DDN: variants seen among roughly 807,000 people sequenced by gnomAD.
The protein encoded by DDN is dendrin.
Under a neutral mutation model 7.3 loss-of-function variants are expected in DDN, and 4 were observed. The ratio of observed to expected loss-of-function variants is 0.55; its 90% CI spans 0.27 to 1.25. The LOEUF is 1.25. Among genes scored for constraint, DDN ranks in the 50% most tolerant of loss-of-function variants. DDN has a pLI of 0.12. For missense variants in DDN, 933 were observed against 974.7 expected (o/e 0.96, Z 0.57); for synonymous variants, 425 against 424.3 (o/e 1.00, Z -0.02).
chr12:48,999,021 G>A, intron 1 of DDN, 58 bp downstream of exon 1: 2 of 1,578,332 alleles, frequency 1.3e-6, no homozygotes, highest in South Asian at 2.2e-5. Flanking sequence ...CCTGCGGGGA[G>A]GTCCGGACCC....
At position 48,998,349 on chromosome 12, in the gene DDN, C is replaced by G. The variant is rs1161490871; in HGVS notation, c.527G>C (p.Arg176Pro). ...ERLAPVGRAP[R>P]PSAQPQSDPG... ...GTCGCTCTGCGGCTGCGCGGATGGA[C>G]GGGGCGCTCGCCCCACAGGCGCCAG... The change falls in exon 2 of 2, where the codon CGT (arginine) becomes CCT (proline). Residue 176 changes from arginine to proline, a missense_variant. Physicochemically the swap from Arg to Pro is moderately radical, Grantham distance 103 (BLOSUM62 -2). Coordinates refer to ENST00000421952, the MANE Select transcript of DDN (RefSeq NM_015086.2). The G allele has an allele frequency of 9.9e-6, 15 of 1,515,064 alleles. No individual in the cohort carries two copies. The highest frequency in any genetic ancestry group is 1.4e-5 in the African/African-American group (1 of 69,882). The allele number at this position is 1,515,064 out of a possible 1,614,324, so 93.9% of individuals were successfully genotyped here. A position where few individuals can be genotyped will look rare whatever the true frequency, so the allele number is the denominator to read the frequency against.
chr12:48,995,414 G>A lies in DDN; in HGVS notation c.*1326C>T, dbSNP rs1215442097. 6.6e-6 allele frequency: 1 copy of A among 152,510 alleles called. No homozygotes were observed. Among genetic ancestry groups the A allele is most frequent in the Non-Finnish European group, 1.5e-5 (1 of 68,246 alleles). The allele number at this position is 152,510 out of a possible 1,614,324, so 9.4% of individuals were successfully genotyped here. ...TCGGTGTCTGAGTCCCAAGCCGGCT[G>A]GGGTGGATGAGTACAAAGATGGGCC... On this transcript the variant is annotated 3_prime_UTR_variant, in exon 2 of 2. Transcript: ENST00000421952.
In DDN at chr12:48,998,226, G is replaced by A; in HGVS notation, c.650C>T (p.Pro217Leu). ...LLLRGSAGTAPRRRWDRPPPY... is the reference protein window; with the variant it reads ...LLLRGSAGTALRRRWDRPPPY... The stretch of plus-strand genomic sequence containing the variant: ...TGGCGGCCGGTCCCAGCGGCGTCGT[G>A]GGGCGGTCCCGGCAGAACCTCTCAG... Residue 217 changes from proline to leucine, a missense_variant, in exon 2 of 2, where the codon CCA (proline) becomes CTA (leucine). Pro to Leu is a moderately conservative substitution (Grantham distance 98). Transcript: ENST00000421952. The A allele has an allele frequency of 6.2e-7, 1 of 1,612,456 alleles. No individual in the cohort carries two copies. The highest frequency in any genetic ancestry group is 8.5e-7 in the Non-Finnish European group (1 of 1,179,724).
chr12:48,997,106 C>T lies in DDN; in HGVS notation c.1770G>A (p.Ala590=). 1 of 1,524,488 alleles carries T rather than the reference C, an allele frequency of 6.6e-7. No homozygotes were observed. The highest frequency in any genetic ancestry group is 8.7e-7 in the Non-Finnish European group (1 of 1,143,230). 94.4% of individuals were successfully genotyped at this position (1,524,488 alleles called of 1,614,324 possible). ...AQGRAEGSEV[A]VVQRRAGRGW... ...CCCGGCCGGCGCGCCGCTGGACCACCGCCACTTCCGACCCCTCGGCTCTGC... is the reference window on the plus strand; with the variant it reads ...CCCGGCCGGCGCGCCGCTGGACCACTGCCACTTCCGACCCCTCGGCTCTGC... The change falls in exon 2 of 2, where the codon GCG becomes GCA. Residue 590 remains alanine, a synonymous_variant. Coordinates refer to ENST00000421952, the MANE Select transcript of DDN (RefSeq NM_015086.2).
chr12:48,999,161 A>C lies in DDN; in HGVS notation c.127T>G (p.Cys43Gly). The change falls in exon 1 of 2, where the codon TGT becomes GGT. Residue 43 changes from cysteine (C) to glycine (G), a missense_variant. Physicochemically the swap from Cys to Gly is radical, Grantham distance 159. Coordinates refer to ENST00000421952, the MANE Select transcript of DDN (RefSeq NM_015086.2). ...LLVIEVKTIS[C>G]HYSRRAPSRQ... ...GAAGGGGCGCGGCGACTATAATGAC[A>C]GGAAATAGTCTTCACTTCTATCACC... 1 of 1,614,054 alleles carries C rather than the reference A, an allele frequency of 6.2e-7. No individual in the cohort carries two copies. The highest frequency in any genetic ancestry group is 2.2e-5 in the East Asian group (1 of 44,858).
At chr12:48,999,008 G>C in intron 1 of DDN, 71 bp downstream of exon 1, 1 of 1,529,224 alleles carries the variant, frequency 6.5e-7, no homozygotes, top group Non-Finnish European at 9.0e-7. Context: ...GTGCTCGCTG[G>C]TGCCTGCGGG....
rs1358452366 is a variant in DDN, at chr12:48,997,113, T to G, written c.1763A>C (p.Glu588Ala). 1.3e-6 allele frequency: 2 copies of G among 1,525,750 alleles called. No homozygotes were observed. Among genetic ancestry groups the G allele is most frequent in the South Asian group, 2.6e-5 (2 of 75,862 alleles). 94.5% of individuals were successfully genotyped at this position (1,525,750 alleles called of 1,614,324 possible). ...SGAQGRAEGS[E>A]VAVVQRRAGR... ...GGCGCGCCGCTGGACCACCGCCACT[T>G]CCGACCCCTCGGCTCTGCCCTGGGC... Residue 588 changes from glutamate to alanine, a missense_variant, in exon 2 of 2, where the codon GAA becomes GCA. Coordinates refer to ENST00000421952, the MANE Select transcript of DDN (RefSeq NM_015086.2).
At position 48,998,314 on chromosome 12, in the gene DDN, C is replaced by A. The variant is rs770553244; in HGVS notation, c.562G>T (p.Ala188Ser). The A allele has an allele frequency of 3.2e-6, 5 of 1,576,702 alleles. No homozygotes were observed. In the South Asian group the frequency reaches 3.4e-5, roughly 11 times the overall value. Residue 188 changes from alanine (A) to serine (S), a missense_variant, in exon 2 of 2, where the codon GCG (alanine) becomes TCG (serine). Physicochemically the swap from Ala to Ser is moderately conservative, Grantham distance 99. Coordinates refer to ENST00000421952, the MANE Select transcript of DDN (RefSeq NM_015086.2). ...CGACCTCCCCAGGGCCCCGCCCACG[C>A]CGACCCTGGGTCGCTCTGCGGCTGC... The part of the protein sequence containing the change: ...SAQPQSDPGS[A>S]WAGPWGGRRP...
chr12:48,997,849 T>C lies in DDN; in HGVS notation c.1027A>G (p.Thr343Ala). 5 of 1,613,652 alleles carry C rather than the reference T, an allele frequency of 3.1e-6. No individual in the cohort carries two copies. Among genetic ancestry groups the C allele is most frequent in the Non-Finnish European group, 4.2e-6 (5 of 1,180,008 alleles). ...GCAGACCCCGCAGGAGCTATCTCGGTGCCTGCGCTCCCTGTAGCTTTGGCT... is the reference window on the plus strand; with the variant it reads ...GCAGACCCCGCAGGAGCTATCTCGGCGCCTGCGCTCCCTGTAGCTTTGGCT... ...PQAKATGSAG[T>A]EIAPAGSATA... Residue 343 changes from threonine (T) to alanine (A), a missense_variant, in exon 2 of 2, where the codon ACC becomes GCC. By Grantham distance (58) the Thr-to-Ala change is moderately conservative. Transcript: ENST00000421952.
chr12:48,996,575 T>C lies in DDN; in HGVS notation c.*165A>G. ...TCTCACCTCTCCTGAAACAAAATCA[T>C]TAATGGGCATATGCTTCCCTTCCTT... On this transcript the variant is annotated 3_prime_UTR_variant, in exon 2 of 2. Coordinates refer to ENST00000421952, the MANE Select transcript of DDN (RefSeq NM_015086.2). 8.3e-7 allele frequency: 1 copy of C among 1,200,488 alleles called. No individual in the cohort carries two copies. The highest frequency in any genetic ancestry group is 1.1e-6 in the Non-Finnish European group (1 of 886,844). 74.4% of individuals were successfully genotyped at this position (1,200,488 alleles called of 1,614,324 possible). A position where few individuals can be genotyped will look rare whatever the true frequency, so the allele number is the denominator to read the frequency against.
rs779113854 is a variant in DDN at position 48,999,252 on chromosome 12, G to T, written c.36C>A (p.Asp12Glu). Residue 12 changes from aspartate (D) to glutamate (E), a missense_variant, in exon 1 of 2, where the codon GAC becomes GAA. Asp to Glu is a conservative substitution (Grantham distance 45, BLOSUM62 2). Coordinates refer to ENST00000421952, the MANE Select transcript of DDN (RefSeq NM_015086.2). ...CCTCATCCTGGAGCTCCCGGGGGCT[G>T]TCAGGCCCCTCGGAGAACAGTGGGC... Reference protein sequence around the residue: ...LDGPLFSEGPDSPRELQDEES... With the variant: ...LDGPLFSEGPESPRELQDEES... 6.4e-7 allele frequency: 1 copy of T among 1,563,092 alleles called. No homozygotes were observed. The highest frequency in any genetic ancestry group is 8.7e-7 in the Non-Finnish European group (1 of 1,153,490).
rs753561904 is a variant in DDN at position 48,997,083 on chromosome 12, C to G, written c.1793G>C (p.Arg598Pro). ...GGGCCCTGGGGTCCGCGCCCAGCCCCGGCCGGCGCGCCGCTGGACCACCGC... is the reference window on the plus strand; with the variant it reads ...GGGCCCTGGGGTCCGCGCCCAGCCCGGGCCGGCGCGCCGCTGGACCACCGC... ...EVAVVQRRAGRGWARTPGPYA... is the reference protein window; with the variant it reads ...EVAVVQRRAGPGWARTPGPYA... The change falls in exon 2 of 2, where the codon CGG becomes CCG. Residue 598 changes from arginine to proline, a missense_variant. Coordinates refer to ENST00000421952, the MANE Select transcript of DDN (RefSeq NM_015086.2). 31 of 1,523,258 alleles carry G rather than the reference C, an allele frequency of 2.0e-5. 1 individual carries two copies. The South Asian group carries it at 3.4e-4, about 17-fold the overall frequency. 94.4% of individuals were successfully genotyped at this position (1,523,258 alleles called of 1,614,324 possible).
rs376558582 is a variant in DDN at position 48,998,575 on chromosome 12, G to A, written c.301C>T (p.Pro101Ser). 37 of 1,589,698 alleles carry A rather than the reference G, an allele frequency of 2.3e-5. No individual in the cohort carries two copies. The highest frequency in any genetic ancestry group is 2.9e-5 in the Non-Finnish European group (34 of 1,175,714). ...LQEATNWRAG[P>S]LAEVRAREQE... is the part of the protein sequence containing the mutation. ...TCCCGAGCTCGGACCTCGGCCAGGG[G>A]CCCCGCCCGCCAGTTGGTCGCCTCC... is the stretch of plus-strand genomic sequence containing the variant. Residue 101 changes from proline (P) to serine (S), a missense_variant, in exon 2 of 2, where the codon CCC (proline) becomes TCC (serine). Coordinates refer to ENST00000421952, the MANE Select transcript of DDN (RefSeq NM_015086.2).
Position 48,996,884 on chromosome 12 carries a change from G to C in DDN, c.1992C>G (p.Asn664Lys), listed in dbSNP as rs765621766. Residue 664 changes from asparagine to lysine, a missense_variant, in exon 2 of 2, where the codon AAC becomes AAG. Asn to Lys is a moderately conservative substitution (Grantham distance 94). Transcript: ENST00000421952. ...TCTTCCCATCTTCCTCTGGCGAACTGTTTCCAACCTCGGGCAGGGTCCTCT... is the reference window on the plus strand; with the variant it reads ...TCTTCCCATCTTCCTCTGGCGAACTCTTTCCAACCTCGGGCAGGGTCCTCT... ...RNERTLPEVG[N>K]SSPEEDGKTA... 1.2e-6 allele frequency: 2 copies of C among 1,614,092 alleles called. No individual in the cohort carries two copies. The highest frequency in any genetic ancestry group is 2.2e-5 in the South Asian group (2 of 91,060).
rs1289894463 is a variant in DDN at position 48,998,278 on chromosome 12, G to T, written c.598C>A (p.Pro200Thr). The change falls in exon 2 of 2, where the codon CCC becomes ACC. Residue 200 changes from proline to threonine, a missense_variant. Pro to Thr is a conservative substitution (Grantham distance 38, BLOSUM62 -1). Coordinates refer to ENST00000421952, the MANE Select transcript of DDN (RefSeq NM_015086.2). ...AGCAGGTGAGCCTCGTAGCTTGGGG[G>T]CCCGGGCCGCCGACCTCCCCAGGGC... ...AGPWGGRRPG[P>T]PSYEAHLLLR... is the part of the protein sequence containing the mutation. 2.5e-6 allele frequency: 4 copies of T among 1,603,300 alleles called. No individual in the cohort carries two copies. The highest frequency in any genetic ancestry group is 1.7e-5 in the Admixed American group (1 of 58,978).
intron 1 of DDN, 36 bp from the exon 2 acceptor site, chr12:48,998,702 G>T: frequency 6.9e-7 from 1 of 1,456,680 alleles, no homozygotes; most frequent in Non-Finnish European, 9.0e-7. Flanking sequence ...TGAGCAGTTT[G>T]TGGGGGAAGG....
chr12:48,998,252 C>T lies in DDN; in HGVS notation c.624G>A (p.Leu208=). ...GGGCGGTCCCGGCAGAACCTCTCAG[C>T]AGCAGGTGAGCCTCGTAGCTTGGGG... The part of the protein sequence containing the change: ...PGPPSYEAHL[L]LRGSAGTAPR... The change falls in exon 2 of 2, where the codon CTG becomes CTA. Residue 208 remains leucine (L), a synonymous_variant. Coordinates refer to ENST00000421952, the MANE Select transcript of DDN (RefSeq NM_015086.2). 6.2e-7 allele frequency: 1 copy of T among 1,611,456 alleles called. No homozygotes were observed. The highest frequency in any genetic ancestry group is 8.5e-7 in the Non-Finnish European group (1 of 1,179,322).
chr12:48,997,048 C>T lies in DDN; in HGVS notation c.1828G>A (p.Ala610Thr). 1 of 1,551,600 alleles carries T rather than the reference C, an allele frequency of 6.4e-7. No homozygotes were observed. ...WARTPGPYAG[A>T]LREAVSRIRR... ...ATACGGGACACGGCTTCTCGCAGGG[C>T]CCCGGCGTAGGGCCCTGGGGTCCGC... Residue 610 changes from alanine (A) to threonine (T), a missense_variant, in exon 2 of 2, where the codon GCC becomes ACC. Coordinates refer to ENST00000421952, the MANE Select transcript of DDN (RefSeq NM_015086.2).
At chr12:48,998,977 G>T in intron 1 of DDN, 102 bp downstream of exon 1, 1 of 1,341,038 alleles carries the variant, frequency 7.5e-7, no homozygotes. Flanking sequence ...GAAGGCGTGG[G>T]AAAGAGAAGG....
Sources: gnomAD v4.1 joint callset for allele counts on GRCh38, gnomAD v4.1.1 for gene constraint, MANE v1.5 for transcripts, NCBI Gene and HGNC (gene_info 2026-07-23, HGNC 2026-07-21) for gene names.